CADM1: variants seen among roughly 807,000 people sequenced by gnomAD.
CADM1 encodes cell adhesion molecule 1, also known as TSLC-1.
A neutral mutation model predicts 53.1 loss-of-function variants in CADM1; 15 were observed. The observed-to-expected ratio is 0.28, with a 90% CI of 0.19 to 0.44. The LOEUF is 0.44. Ranked by LOEUF, CADM1 falls within the 20% of genes least tolerant of loss-of-function variation. The pLI, the probability that CADM1 is intolerant of heterozygous loss-of-function variation, is 1.00. For synonymous variants in CADM1, 281 were observed against 243.0 expected, an observed-to-expected ratio of 1.16 and a Z score of -1.45; for missense variants, 434 against 611.3, an observed-to-expected ratio of 0.71 and a Z score of 3.06.
intron 1 of CADM1, among the ~76,000 whole-genome samples, chr11:115,279,491 A>T (rs943964410): frequency 6.6e-6 from 1 of 152,240 alleles, no homozygotes; most frequent in Non-Finnish European, 1.5e-5. Flanking sequence ...AATGAAAAAC[A>T]GTTAAAACCC....
chr11:115,436,476 C>T (rs1334877788), intron 1 of CADM1, among the ~76,000 whole-genome samples: 2 of 152,212 alleles, frequency 1.3e-5, no homozygotes, highest in East Asian at 1.9e-4. Context: ...CTCTTCCTGA[C>T]TCTCTGCTCT....
intron 1 of CADM1, among the ~76,000 whole-genome samples, chr11:115,483,541 T>C (rs924764753): frequency 1.3e-5 from 2 of 152,156 alleles, no homozygotes; most frequent in African/African-American, 4.8e-5. Context: ...CAAAGGCTTT[T>C]AGACATGAAA....
chr11:115,408,984 T>C (rs960916642), intron 1 of CADM1, among the ~76,000 whole-genome samples: 2 of 151,958 alleles, frequency 1.3e-5, no homozygotes, highest in African/African-American at 4.8e-5. Context: ...CCAACTCTAG[T>C]TGCACAGTGT....
At chr11:115,275,082 C>T (rs1943407391) in intron 1 of CADM1, among the ~76,000 whole-genome samples, 2 of 152,156 alleles carry the variant, frequency 1.3e-5, no homozygotes, top group Non-Finnish European at 2.9e-5. Flanking sequence ...TGGGAAAACC[C>T]ACTCCTTTCA....
At chr11:115,500,464 G>A (rs1444167931) in intron 1 of CADM1, among the ~76,000 whole-genome samples, 1 of 152,096 alleles carries the variant, frequency 6.6e-6, no homozygotes, top group East Asian at 1.9e-4. Context: ...TATAGGCCAA[G>A]GAATAATAAA....
chr11:115,198,218 G>A (rs1041226434), intron 9 of CADM1, among the ~76,000 whole-genome samples, 188 bp downstream of exon 9: 6 of 152,042 alleles, frequency 3.9e-5, no homozygotes. Flanking sequence ...GCATCCATTG[G>A]GTACTGAACT....
At chr11:115,245,471 G>T (rs1321158420) in intron 1 of CADM1, among the ~76,000 whole-genome samples, 1 of 152,182 alleles carries the variant, frequency 6.6e-6, no homozygotes, top group Non-Finnish European at 1.5e-5. Flanking sequence ...TTAGATGTGT[G>T]AGCCTTCGCT....
At chr11:115,356,844 T>C (rs1945885991) in intron 1 of CADM1, among the ~76,000 whole-genome samples, 1 of 152,202 alleles carries the variant, frequency 6.6e-6, no homozygotes, top group African/African-American at 2.4e-5. Context: ...AAACACCAAT[T>C]GCCTGAAGAA....
intron 1 of CADM1, among the ~76,000 whole-genome samples, chr11:115,322,953 G>A (rs146054639): frequency 1.3e-5 from 2 of 152,188 alleles, no homozygotes; most frequent in East Asian, 3.9e-4. Flanking sequence ...ATATAACTAG[G>A]AGTGTAACTG....
At chr11:115,244,578 G>A (rs764663529) in intron 1 of CADM1, among the ~76,000 whole-genome samples, 4 of 152,084 alleles carry the variant, frequency 2.6e-5, no homozygotes, top group East Asian at 1.9e-4. Flanking sequence ...GAGACAGAGC[G>A]ATTTAAATAA....
chr11:115,292,749 C>A (rs1286345153), intron 1 of CADM1, among the ~76,000 whole-genome samples: 1 of 152,188 alleles, frequency 6.6e-6, no homozygotes, highest in Non-Finnish European at 1.5e-5. Context: ...AAATGACAGG[C>A]AGATCAGTCA....
chr11:115,203,227 A>G (rs1940519439), intron 8 of CADM1, among the ~76,000 whole-genome samples: 1 of 152,112 alleles, frequency 6.6e-6, no homozygotes, highest in South Asian at 2.1e-4. Flanking sequence ...TGCCCCTGAG[A>G]TCTTTTCATT....
intron 1 of CADM1, among the ~76,000 whole-genome samples, chr11:115,290,921 C>T (rs573155933): frequency 3.9e-5 from 6 of 152,280 alleles, no homozygotes; most frequent in East Asian, 1.9e-4. Flanking sequence ...ACTGGCATCC[C>T]GTCTTCAGCA....
intron 1 of CADM1, among the ~76,000 whole-genome samples, chr11:115,381,631 G>A (rs530432330): frequency 7.9e-5 from 12 of 152,014 alleles, no homozygotes; most frequent in Non-Finnish European, 1.6e-4. Flanking sequence ...TTTCTCATTC[G>A]GTTGTTATAG....
chr11:115,311,671 G>T (rs1282408669), intron 1 of CADM1, among the ~76,000 whole-genome samples: 1 of 152,130 alleles, frequency 6.6e-6, no homozygotes, highest in East Asian at 1.9e-4. Context: ...CCCCCAGTTT[G>T]ACAGATGGGA....
At chr11:115,387,128 C>T (rs1229928028) in intron 1 of CADM1, among the ~76,000 whole-genome samples, 1 of 152,120 alleles carries the variant, frequency 6.6e-6, no homozygotes, top group Non-Finnish European at 1.5e-5. Flanking sequence ...AAAGCTAAGG[C>T]TGGTCACAAG....
chr11:115,270,901 C>T (rs1280636993), intron 1 of CADM1, among the ~76,000 whole-genome samples: 1 of 152,198 alleles, frequency 6.6e-6, no homozygotes, highest in African/African-American at 2.4e-5. Flanking sequence ...CAAGTCACTG[C>T]TTATTTCAGC....
intron 10 of CADM1, among the ~76,000 whole-genome samples, chr11:115,180,463 C>A (rs112066448): frequency 1.1e-4 from 16 of 152,126 alleles, no homozygotes; most frequent in Non-Finnish European, 2.2e-4. Flanking sequence ...GCCAATTAGC[C>A]CGCTCTGAGC....
chr11:115,504,349 C>A lies in CADM1; in HGVS notation c.46G>T (p.Ala16Ser). 1 of 1,548,852 alleles carries A rather than the reference C, an allele frequency of 6.5e-7. No individual in the cohort carries two copies. Among genetic ancestry groups the A allele is most frequent in the Non-Finnish European group, 8.7e-7 (1 of 1,146,376 alleles). Residue 16 changes from alanine (A) to serine (S), a missense_variant, in exon 1 of 12, where the codon GCG becomes TCG. Physicochemically the swap from Ala to Ser is moderately conservative, Grantham distance 99. Transcript: ENST00000331581. Reference sequence around the variant, plus strand: ...AGCCCGGGAGGCGCCGCCGCCGCCGCTGCCGCCGCACACTGGGATCCGCTC... The same window carrying A: ...AGCCCGGGAGGCGCCGCCGCCGCCGATGCCGCCGCACACTGGGATCCGCTC... The part of the protein sequence containing the change: ...LPSGSQCAAA[A>S]AAAAPPGLRL...
Sources: allele counts gnomAD v4.1 joint callset (sites outside exome capture counted in the v4.1 genomes callset), GRCh38; gene constraint gnomAD v4.1.1; transcripts MANE v1.5; gene names NCBI Gene and HGNC (gene_info 2026-07-23, HGNC 2026-07-21).